HPSE2: variants seen among roughly 807,000 people sequenced by gnomAD.
HPSE2 encodes the protein heparanase 2 (inactive), also known as inactive heparanase-2.
HPSE2 carries 38 observed loss-of-function variants against 60.5 expected under a neutral mutation model. The observed-to-expected ratio is 0.63, with a 90% CI of 0.48 to 0.82. HPSE2 has a LOEUF of 0.82. Among genes scored for constraint, HPSE2 ranks in the 40% least tolerant of loss-of-function variants. The probability of loss-of-function intolerance (pLI) is 0.00; values close to 1 mark genes in which losing one functional copy is unlikely to be tolerated. For synonymous variants in HPSE2, 295 were observed against 293.2 expected, an observed-to-expected ratio of 1.01 and a Z score of -0.06; for missense variants, 713 against 740.4, an observed-to-expected ratio of 0.96 and a Z score of 0.43.
At chr10:99,010,342 T>A (rs560101615) in intron 3 of HPSE2, among the ~76,000 whole-genome samples, 2 of 152,322 alleles carry the variant, frequency 1.3e-5, no homozygotes, top group East Asian at 3.9e-4. Context: ...AATCTTCACC[T>A]TTGCCTAGAA....
intron 9 of HPSE2, among the ~76,000 whole-genome samples, chr10:98,563,494 T>C (rs1944250734): frequency 6.6e-6 from 1 of 152,194 alleles, no homozygotes; most frequent in South Asian, 2.1e-4. Flanking sequence ...GTGATTATTG[T>C]ACAATTCTGT....
intron 2 of HPSE2, among the ~76,000 whole-genome samples, chr10:99,232,060 G>A (rs979670821): frequency 2.6e-5 from 4 of 152,086 alleles, no homozygotes; most frequent in Non-Finnish European, 4.4e-5. Flanking sequence ...GCAAAAGGCC[G>A]GCAGCTGGGT....
chr10:98,459,280 G>C lies in HPSE2; in HGVS notation c.*294C>G. On this transcript the variant is annotated 3_prime_UTR_variant, in exon 12 of 12. Coordinates refer to ENST00000370552, the MANE Select transcript of HPSE2 (RefSeq NM_021828.5). The stretch of plus-strand genomic sequence containing the variant: ...GAAACATTTCTCCTGGGAGTGTGCT[G>C]TCAGCTCGTTTTCATAGTGCACATG... The C allele has an allele frequency of 2.4e-6, 1 of 421,790 alleles. No homozygotes were observed. 26.1% of individuals were successfully genotyped at this position (421,790 alleles called of 1,614,324 possible).
intron 3 of HPSE2, among the ~76,000 whole-genome samples, chr10:99,091,600 A>T (rs1293406127): frequency 1.3e-5 from 2 of 152,286 alleles, no homozygotes; most frequent in African/African-American, 4.8e-5. Context: ...CAACAAAAAA[A>T]ATGAAGGCAC....
At chr10:98,765,838 G>A (rs988313676) in intron 3 of HPSE2, among the ~76,000 whole-genome samples, 1 of 151,826 alleles carries the variant, frequency 6.6e-6, no homozygotes, top group Non-Finnish European at 1.5e-5. Flanking sequence ...GCAAGACTCT[G>A]TCTAAATAAA....
At chr10:98,492,960 C>T (rs1356024216) in intron 9 of HPSE2, among the ~76,000 whole-genome samples, 1 of 152,172 alleles carries the variant, frequency 6.6e-6, no homozygotes, top group African/African-American at 2.4e-5. Flanking sequence ...AAACTCTGTA[C>T]CCATTAAACA....
intron 7 of HPSE2, among the ~76,000 whole-genome samples, chr10:98,626,772 T>A: frequency 6.7e-6 from 1 of 149,550 alleles, no homozygotes; most frequent in East Asian, 1.9e-4. Flanking sequence ...GAGATATTAT[T>A]TTTCTTTTTT....
At chr10:98,931,237 A>G (rs1296825041) in intron 3 of HPSE2, among the ~76,000 whole-genome samples, 2 of 144,012 alleles carry the variant, frequency 1.4e-5, no homozygotes, top group East Asian at 3.9e-4. Flanking sequence ...TCTTTTCCCC[A>G]TTGCATGTTT....
chr10:98,569,697 T>C (rs1281098681), intron 9 of HPSE2, among the ~76,000 whole-genome samples: 1 of 152,190 alleles, frequency 6.6e-6, no homozygotes, highest in Non-Finnish European at 1.5e-5. Flanking sequence ...GCTAAGTTAT[T>C]CCTATCTGTT....
chr10:98,882,371 G>A (rs560421407), intron 3 of HPSE2, among the ~76,000 whole-genome samples: 1 of 152,148 alleles, frequency 6.6e-6, no homozygotes, highest in South Asian at 2.1e-4. Context: ...CAACCTCAAA[G>A]TCTCGATGAC....
At chr10:98,640,649 G>A (rs1946614085) in intron 7 of HPSE2, among the ~76,000 whole-genome samples, 1 of 152,144 alleles carries the variant, frequency 6.6e-6, no homozygotes, top group Non-Finnish European at 1.5e-5. Flanking sequence ...GGGCCTACCT[G>A]TTATAATTTT....
At chr10:98,739,889 T>A (rs1488299864) in intron 4 of HPSE2, among the ~76,000 whole-genome samples, 3 of 152,128 alleles carry the variant, frequency 2.0e-5, no homozygotes, top group African/African-American at 7.2e-5. Context: ...TAAGTATAGC[T>A]CTCTAGAGAA....
chr10:98,570,575 T>TA (rs921445069), intron 9 of HPSE2, among the ~76,000 whole-genome samples: 5 of 151,978 alleles, frequency 3.3e-5, no homozygotes, highest in Admixed American at 2.6e-4. Flanking sequence ...GGCATTAGAA[T>TA]AAAAAAACAG....
intron 4 of HPSE2, among the ~76,000 whole-genome samples, chr10:98,726,357 C>T (rs1430049493): frequency 6.6e-6 from 1 of 151,768 alleles, no homozygotes; most frequent in Non-Finnish European, 1.5e-5. Context: ...AAGCTGGAAA[C>T]CATCATTCTC....
At chr10:98,771,477 G>C (rs1950239363) in intron 3 of HPSE2, among the ~76,000 whole-genome samples, 1 of 152,154 alleles carries the variant, frequency 6.6e-6, no homozygotes. Flanking sequence ...CAAGGCAACA[G>C]TTGATCCCTT....
intron 5 of HPSE2, among the ~76,000 whole-genome samples, chr10:98,698,564 C>A (rs1456977073): frequency 6.6e-6 from 1 of 152,084 alleles, no homozygotes; most frequent in African/African-American, 2.4e-5. Context: ...GACACCCTAA[C>A]ATCCCAATTA....
At chr10:99,186,129 C>CACACACACACACACACACATAT (rs1554912904) in intron 2 of HPSE2, among the ~76,000 whole-genome samples, 1 of 141,610 alleles carries the variant, frequency 7.1e-6, no homozygotes, top group Non-Finnish European at 1.6e-5. Context: ...CACACACACA[C>CACACACACACACACACACATAT]ACACACACAC....
intron 3 of HPSE2, among the ~76,000 whole-genome samples, chr10:98,880,506 T>A (rs1952993524): frequency 6.6e-6 from 1 of 152,086 alleles, no homozygotes; most frequent in Non-Finnish European, 1.5e-5. Flanking sequence ...TTTAGACTTG[T>A]GACTTTGTCA....
At chr10:98,727,977 C>T (rs530987429) in intron 4 of HPSE2, among the ~76,000 whole-genome samples, 2 of 152,030 alleles carry the variant, frequency 1.3e-5, no homozygotes, top group African/African-American at 2.4e-5. Context: ...AAACTGCATG[C>T]AAAGTTAAAC....
Sources: gnomAD v4.1 joint callset for allele counts (sites outside exome capture counted in the v4.1 genomes callset) on GRCh38, gnomAD v4.1.1 for gene constraint, MANE v1.5 for transcripts, NCBI Gene and HGNC (gene_info 2026-07-23, HGNC 2026-07-21) for gene names.